The following PCDH9 variants were observed in gnomAD, a reference collection of about 807,000 sequenced individuals.
PCDH9 encodes the protein protocadherin-9.
Under a neutral mutation model 70.6 loss-of-function variants are expected in PCDH9, and 24 were observed. The ratio of observed to expected loss-of-function variants is 0.34; its 90% CI spans 0.25 to 0.48. PCDH9 has a LOEUF of 0.48. PCDH9 is among the 20% of genes least tolerant of loss of function. The pLI is 0.99. For synonymous variants in PCDH9, 562 were observed against 558.5 expected (o/e 1.01, Z -0.09); for missense variants, 1,281 against 1,503.6 (o/e 0.85, Z 2.45).
In PCDH9 at chr13:66,741,880, G is replaced by A. The variant is rs1188327094; in HGVS notation, c.3139-110469C>T. ...ATGGAAGAACATTCCATGCTCATGG[G>A]TAGGAAGAATCAATATCGTGAAAAC... On this transcript the variant is annotated intron_variant, in intron 3 of 4. Transcript: ENST00000377865. Among the ~76,000 whole-genome samples, 16 of 146,434 alleles carry A rather than the reference G, an allele frequency of 1.1e-4. No homozygotes were observed. The East Asian group carries it at 2.0e-3, about 19-fold the overall frequency.
intron 4 of PCDH9, among the ~76,000 whole-genome samples, chr13:66,423,000 A>T (rs1365556109): frequency 2.6e-5 from 4 of 152,176 alleles, no homozygotes. Flanking sequence ...CTAGCAATAC[A>T]AACTACCATC....
At chr13:66,550,637 A>T (rs1961441687) in intron 4 of PCDH9, among the ~76,000 whole-genome samples, 2 of 152,194 alleles carry the variant, frequency 1.3e-5, no homozygotes, top group Admixed American at 6.5e-5. Context: ...TGTCCTTGAT[A>T]GCACAGAGCC....
chr13:67,065,241 T>C (rs994040905), intron 2 of PCDH9, among the ~76,000 whole-genome samples: 1 of 152,154 alleles, frequency 6.6e-6, no homozygotes, highest in African/African-American at 2.4e-5. Context: ...GCGTGTTCTC[T>C]GCCATGGCTG....
At chr13:67,081,706 C>T (rs2085986339) in intron 2 of PCDH9, among the ~76,000 whole-genome samples, 1 of 152,142 alleles carries the variant, frequency 6.6e-6, no homozygotes. Flanking sequence ...ATATTCACTA[C>T]TATGTACTGC....
At chr13:67,040,192 TC>T (rs954457713) in intron 2 of PCDH9, among the ~76,000 whole-genome samples, 2 of 152,124 alleles carry the variant, frequency 1.3e-5, no homozygotes, top group African/African-American at 4.8e-5. Context: ...AATGTTTATG[TC>T]CCCCCAGACG....
chr13:66,592,008 T>A (rs2077044726), intron 4 of PCDH9, among the ~76,000 whole-genome samples: 1 of 151,698 alleles, frequency 6.6e-6, no homozygotes, highest in Non-Finnish European at 1.5e-5. Flanking sequence ...TGAGGTCAAC[T>A]ATTTAATGAA....
intron 4 of PCDH9, among the ~76,000 whole-genome samples, chr13:66,429,763 G>A (rs1487615508): frequency 6.6e-6 from 1 of 152,038 alleles, no homozygotes; most frequent in Admixed American, 6.6e-5. Flanking sequence ...TTAAGACTGA[G>A]GTCAACTGGT....
At chr13:66,976,127 C>T (rs2083614896) in intron 2 of PCDH9, among the ~76,000 whole-genome samples, 1 of 152,016 alleles carries the variant, frequency 6.6e-6, no homozygotes, top group Non-Finnish European at 1.5e-5. Context: ...GAAAAAAATA[C>T]ACAAAGTGTC....
intron 3 of PCDH9, 71 bp from the exon 4 acceptor site, chr13:66,631,482 A>G (rs2077570817): frequency 1.2e-6 from 1 of 844,524 alleles, no homozygotes; most frequent in Admixed American, 2.1e-5. Context: ...GGAACACAAA[A>G]TCAAAACACT....
intron 3 of PCDH9, among the ~76,000 whole-genome samples, chr13:66,676,482 T>G (rs1432840150): frequency 6.6e-6 from 1 of 152,046 alleles, no homozygotes; most frequent in Non-Finnish European, 1.5e-5. Flanking sequence ...CAATAATACT[T>G]CCTGTAATTC....
At chr13:67,143,825 A>T (rs2087456006) in intron 2 of PCDH9, among the ~76,000 whole-genome samples, 2 of 152,248 alleles carry the variant, frequency 1.3e-5, no homozygotes, top group South Asian at 4.1e-4. Flanking sequence ...TCTATGTTAA[A>T]TTCAGTCTCA....
At chr13:66,779,419 T>C (rs2079953057) in intron 3 of PCDH9, among the ~76,000 whole-genome samples, 1 of 152,186 alleles carries the variant, frequency 6.6e-6, no homozygotes, top group Non-Finnish European at 1.5e-5. Flanking sequence ...AAGAGCTAAA[T>C]CATCTCATCT....
intron 2 of PCDH9, among the ~76,000 whole-genome samples, chr13:67,083,557 C>A (rs2086030416): frequency 1.3e-5 from 2 of 152,086 alleles, no homozygotes; most frequent in Admixed American, 1.3e-4. Flanking sequence ...ATCTCATGAG[C>A]CAAGTATTTC....
At chr13:66,776,091 T>C (rs1365500414) in intron 3 of PCDH9, among the ~76,000 whole-genome samples, 1 of 152,152 alleles carries the variant, frequency 6.6e-6, no homozygotes, top group Non-Finnish European at 1.5e-5. Flanking sequence ...CAAATTCCAT[T>C]TCAAAAATAC....
intron 4 of PCDH9, among the ~76,000 whole-genome samples, chr13:66,413,677 C>T (rs964999427): frequency 5.3e-5 from 8 of 151,468 alleles, no homozygotes; most frequent in Non-Finnish European, 1.5e-5. Context: ...CAGAGCGAGA[C>T]TCCATCTTAA....
chr13:66,304,608 G>T lies in PCDH9; in HGVS notation c.*47C>A, dbSNP rs1243122482. On this transcript the variant is annotated 3_prime_UTR_variant, in exon 5 of 5. Transcript: ENST00000377865. ...AATACATAAAGCTCTGACGCACACG[G>T]TATTAGCATGTCTATTTAAAGTTAT... 15 of 1,489,820 alleles carry T rather than the reference G, an allele frequency of 1.0e-5. No individual in the cohort carries two copies. The highest frequency in any genetic ancestry group is 2.8e-5 in the African/African-American group (2 of 72,340). The allele number at this position is 1,489,820 out of a possible 1,614,324, so 92.3% of individuals were successfully genotyped here. A position where few individuals can be genotyped will look rare whatever the true frequency, so the allele number is the denominator to read the frequency against.
intron 2 of PCDH9, among the ~76,000 whole-genome samples, chr13:67,113,305 C>A (rs968033518): frequency 6.6e-6 from 1 of 152,116 alleles, no homozygotes; most frequent in African/African-American, 2.4e-5. Context: ...AAAAATATTT[C>A]TAACTATGTA....
intron 4 of PCDH9, among the ~76,000 whole-genome samples, chr13:66,517,606 T>C (rs1959797913): frequency 2.0e-5 from 3 of 152,152 alleles, no homozygotes; most frequent in Admixed American, 1.3e-4. Flanking sequence ...AAAAAACGTG[T>C]CTTGGAATGA....
chr13:66,924,885 C>A (rs2082692692), intron 2 of PCDH9, among the ~76,000 whole-genome samples: 3 of 151,754 alleles, frequency 2.0e-5, no homozygotes, highest in Non-Finnish European at 4.4e-5. Context: ...TTCCACAGGG[C>A]AAACTGGAAC....
Sources: gnomAD v4.1 joint callset for allele counts (sites outside exome capture counted in the v4.1 genomes callset) on GRCh38, gnomAD v4.1.1 for gene constraint, MANE v1.5 for transcripts, NCBI Gene and HGNC (gene_info 2026-07-23, HGNC 2026-07-21) for gene names.